BANF2: variants seen among roughly 807,000 people sequenced by gnomAD.
BANF2 encodes BANF family member 2.
A neutral mutation model predicts 8.0 loss-of-function variants in BANF2; 4 were observed. The observed-to-expected ratio is 0.50, with a 90% CI of 0.25 to 1.14. The LOEUF (loss-of-function observed/expected upper bound fraction) is 1.14. Ranked by LOEUF, BANF2 falls within the 50% of genes most tolerant of loss-of-function variation. The pLI is 0.16. For missense variants in BANF2, 96 were observed against 107.5 expected (o/e 0.89, Z 0.47); for synonymous variants, 50 against 40.6 (o/e 1.23, Z -0.88).
upstream of BANF2, among the ~76,000 whole-genome samples, chr20:17,698,652 A>G (rs971669437): frequency 6.6e-6 from 1 of 152,208 alleles, no homozygotes; most frequent in African/African-American, 2.4e-5. Flanking sequence ...GCAGCTGGCA[A>G]AAGCCCCCAA....
chr20:17,720,803 G>A (rs34182421), intron 1 of BANF2, among the ~76,000 whole-genome samples: 21,356 of 152,142 alleles, frequency 0.14, 1,616 homozygotes, highest in African/African-American at 0.18. Flanking sequence ...TTTTATGTTA[G>A]GTATATTTTA....
At chr20:17,721,013 A>G (rs2037719828) in intron 1 of BANF2, among the ~76,000 whole-genome samples, 1 of 152,204 alleles carries the variant, frequency 6.6e-6, no homozygotes, top group African/African-American at 2.4e-5. Context: ...CACTCACTCA[A>G]CTTTGAGAAG....
At chr20:17,707,213 C>A (rs1458105487) in intron 1 of BANF2, among the ~76,000 whole-genome samples, 1 of 134,168 alleles carries the variant, frequency 7.5e-6, no homozygotes, top group East Asian at 2.2e-4. Context: ...GAAACCCCAT[C>A]TCTACTAAAA....
chr20:17,707,219 T>A (rs1600214508), intron 1 of BANF2, among the ~76,000 whole-genome samples: 1 of 145,950 alleles, frequency 6.9e-6, no homozygotes, highest in Non-Finnish European at 1.5e-5. Flanking sequence ...CCATCTCTAC[T>A]AAAAAAAAAA....
intron 1 of BANF2, among the ~76,000 whole-genome samples, chr20:17,721,398 C>CTT (rs753833970): frequency 2.7e-4 from 5 of 18,748 alleles, no homozygotes; most frequent in African/African-American, 1.2e-3. Context: ...TTCTTTCTTT[C>CTT]TTTTTTTTTT....
chr20:17,719,239 C>T (rs1444777716), intron 1 of BANF2, among the ~76,000 whole-genome samples: 1 of 152,210 alleles, frequency 6.6e-6, no homozygotes. Context: ...AGTCTCCCGT[C>T]TCAGCCTTCC....
intron 2 of BANF2, among the ~76,000 whole-genome samples, chr20:17,724,101 G>C (rs529868505): frequency 2.0e-5 from 3 of 152,282 alleles, no homozygotes; most frequent in South Asian, 2.1e-4. Flanking sequence ...ATGATATTTC[G>C]AGATCTTCCA....
At chr20:17,695,651 A>G (rs1216111885), upstream of BANF2, among the ~76,000 whole-genome samples, 1 of 152,136 alleles carries the variant, frequency 6.6e-6, no homozygotes, top group Non-Finnish European at 1.5e-5. Context: ...CACACCACAC[A>G]TACATATATG....
intron 1 of BANF2, among the ~76,000 whole-genome samples, chr20:17,719,205 A>G (rs1600222434): frequency 6.6e-6 from 1 of 151,718 alleles, no homozygotes; most frequent in African/African-American, 2.4e-5. Flanking sequence ...GCTCACTGCA[A>G]CCTCCGCCTC....
intron 3 of BANF2, 89 bp downstream of exon 3, chr20:17,725,240 T>TCA: frequency 2.7e-6 from 4 of 1,463,082 alleles, no homozygotes; most frequent in Non-Finnish European, 3.8e-6. Flanking sequence ...CACGTGTCCC[T>TCA]GTGAAGGGCC....
chr20:17,729,307 G>A (rs748429199), intron 3 of BANF2, among the ~76,000 whole-genome samples: 21 of 152,108 alleles, frequency 1.4e-4, no homozygotes, highest in Non-Finnish European at 2.4e-4. Flanking sequence ...CTTGAAATGG[G>A]TTTTGAACCC....
chr20:17,702,081 G>A (rs1270206104), intron 1 of BANF2, among the ~76,000 whole-genome samples: 1 of 152,228 alleles, frequency 6.6e-6, no homozygotes, highest in Non-Finnish European at 1.5e-5. Flanking sequence ...CAGAGGATCA[G>A]GTACTTGTGG....
exon 1 of BANF2, chr20:17,693,689 A>G (rs1006368216): frequency 6.4e-7 from 1 of 1,551,668 alleles, no homozygotes; most frequent in South Asian, 1.2e-5. Flanking sequence ...CCTGCGCTGA[A>G]TGCTGCGAGG....
At position 17,710,499 on chromosome 20, in the gene BANF2, G is replaced by A. The variant is rs143751182; in HGVS notation, c.-167+10444G>A. On this transcript the variant is annotated intron_variant, in intron 1 of 3. Coordinates refer to ENST00000246090, the MANE Select transcript of BANF2 (RefSeq NM_178477.5). ...ATACAGAGGCAGGCACGTAGTAGGC[G>A]CTCAGCCACCATGAGCCCCCTTACT... is the stretch of plus-strand genomic sequence containing the variant. Among the ~76,000 whole-genome samples the A allele has an allele frequency of 1.5e-3, 235 of 152,314 alleles. 4 individuals are homozygous for A. Among genetic ancestry groups the A allele is most frequent in the African/African-American group, 5.4e-3 (224 of 41,558 alleles).
intron 3 of BANF2, among the ~76,000 whole-genome samples, chr20:17,727,725 G>A (rs1450368009): frequency 6.6e-6 from 1 of 152,038 alleles, no homozygotes; most frequent in East Asian, 1.9e-4. Flanking sequence ...GACTCTTGGT[G>A]GTTTTTATTT....
rs7272842 is a variant in BANF2 at position 17,713,644 on chromosome 20, G to A, written c.-166-9072G>A. 5.1e-3 allele frequency among the ~76,000 whole-genome samples: 780 copies of A among 152,038 alleles called. 7 individuals carry two copies. Among genetic ancestry groups the A allele is most frequent in the African/African-American group, 0.018 (741 of 41,440 alleles). On this transcript the variant is annotated intron_variant, in intron 1 of 3. Transcript: ENST00000246090. ...AGGCCAGGAGTTTGAGACCAGCCTG[G>A]GCAACATAGCAAGACCTCATCTTTA... is the stretch of plus-strand genomic sequence containing the variant.
intron 1 of BANF2, among the ~76,000 whole-genome samples, chr20:17,702,062 T>G (rs1045913735): frequency 8.5e-5 from 13 of 152,156 alleles, no homozygotes; most frequent in Non-Finnish European, 1.5e-4. Flanking sequence ...CATGGTTAGG[T>G]AACCACCCCA....
At chr20:17,734,219 A>G (rs528285575) in intron 3 of BANF2, among the ~76,000 whole-genome samples, 1 of 152,368 alleles carries the variant, frequency 6.6e-6, no homozygotes, top group Admixed American at 6.5e-5. Flanking sequence ...ATAGCTAGAA[A>G]GCTTGAGAAT....
chr20:17,727,911 T>C (rs1035863781), intron 3 of BANF2, among the ~76,000 whole-genome samples: 4 of 152,100 alleles, frequency 2.6e-5, no homozygotes, highest in Non-Finnish European at 5.9e-5. Flanking sequence ...GCTAATTTTT[T>C]GTGTTTTTTT....
Sources: allele counts gnomAD v4.1 joint callset (sites outside exome capture counted in the v4.1 genomes callset), GRCh38; gene constraint gnomAD v4.1.1; transcripts MANE v1.5; gene names NCBI Gene and HGNC (gene_info 2026-07-23, HGNC 2026-07-21).